Variants in AGFG1 observed in about 807,000 individuals in gnomAD.
AGFG1 encodes ArfGAP with FG repeats 1.
A neutral mutation model predicts 60.6 loss-of-function variants in AGFG1; 10 were observed. That is an observed-to-expected ratio of 0.16 (90% CI 0.10 to 0.28). The LOEUF is 0.28. Ranked by LOEUF, AGFG1 falls within the 10% of genes least tolerant of loss-of-function variation. The pLI, the probability that AGFG1 is intolerant of heterozygous loss-of-function variation, is 1.00. For synonymous variants in AGFG1, 247 were observed against 242.9 expected (o/e 1.02, Z -0.16); for missense variants, 537 against 676.5 (o/e 0.79, Z 2.29).
At chr2:227,512,073 G>A (rs1423673501) in intron 2 of AGFG1, among the ~76,000 whole-genome samples, 1 of 152,044 alleles carries the variant, frequency 6.6e-6, no homozygotes, top group Non-Finnish European at 1.5e-5. Flanking sequence ...GAAACCCTAG[G>A]ACAAAATAAA....
chr2:227,473,952 T>C (rs1347869038), intron 1 of AGFG1, among the ~76,000 whole-genome samples: 1 of 152,128 alleles, frequency 6.6e-6, no homozygotes, highest in African/African-American at 2.4e-5. Flanking sequence ...TACAGTCCAG[T>C]GGGGATGCAA....
chr2:227,523,317 T>C (rs914624201), intron 3 of AGFG1, among the ~76,000 whole-genome samples: 2 of 152,346 alleles, frequency 1.3e-5, no homozygotes, highest in South Asian at 4.1e-4. Context: ...ACAGATGTAA[T>C]AAGCCTTTAT....
At chr2:227,481,482 T>A (rs1690461038) in intron 1 of AGFG1, among the ~76,000 whole-genome samples, 1 of 152,184 alleles carries the variant, frequency 6.6e-6, no homozygotes, top group Non-Finnish European at 1.5e-5. Context: ...CAGTAAATCT[T>A]GATATGTCCT....
rs1693044747 is a variant in AGFG1 at position 227,558,528 on chromosome 2, A to C, written c.*4033A>C. ...CCTTTATTGATACAGTTTGTGGCCT[A>C]TACACTTTTAAAATTTATTTTTTAA... On this transcript the variant is annotated 3_prime_UTR_variant, in exon 13 of 13. Coordinates refer to ENST00000310078, the MANE Select transcript of AGFG1 (RefSeq NM_004504.5). 1 of 152,100 alleles carries C rather than the reference A, an allele frequency of 6.6e-6. No homozygotes were observed. The highest frequency in any genetic ancestry group is 1.5e-5 in the Non-Finnish European group (1 of 68,014). The allele number at this position is 152,100 out of a possible 1,614,324, so 9.4% of individuals were successfully genotyped here.
chr2:227,486,256 T>C (rs1207233880), intron 1 of AGFG1, among the ~76,000 whole-genome samples: 1 of 152,306 alleles, frequency 6.6e-6, no homozygotes, highest in African/African-American at 2.4e-5. Context: ...TGTCTTTCTT[T>C]TCTGTGGGGT....
At chr2:227,507,602 CAAAAAAAAAAA>C (rs1162277041) in intron 2 of AGFG1, among the ~76,000 whole-genome samples, 3 of 61,600 alleles carry the variant, frequency 4.9e-5, no homozygotes, top group Admixed American at 2.5e-4. Flanking sequence ...GACTCTGTCT[CAAAAAAAAAAA>C]AAAAAAAAAA....
At position 227,554,631 on chromosome 2, in the gene AGFG1, TAA is replaced by T; in HGVS notation, c.*138_*139del. On this transcript the variant is annotated 3_prime_UTR_variant, in exon 13 of 13. Transcript: ENST00000310078. ...TCTTTAAAAAGCCTGCATTGTGTAT[TAA>T]ACACCAGGTAATATGTGCAAAACCG... 1.4e-6 allele frequency: 1 copy of T among 702,364 alleles called. No individual in the cohort carries two copies. Among genetic ancestry groups the T allele is most frequent in the Non-Finnish European group, 2.3e-6 (1 of 431,896 alleles). The allele number at this position is 702,364 out of a possible 1,614,324, so 43.5% of individuals were successfully genotyped here. A position where few individuals can be genotyped will look rare whatever the true frequency, so the allele number is the denominator to read the frequency against.
At chr2:227,514,589 A>G (rs1042008127) in intron 2 of AGFG1, among the ~76,000 whole-genome samples, 21 of 152,204 alleles carry the variant, frequency 1.4e-4, no homozygotes, top group African/African-American at 5.1e-4. Context: ...AGGTTATATT[A>G]TTATTTGCAT....
chr2:227,524,671 G>A (rs1691932103), intron 4 of AGFG1, 91 bp from the exon 5 acceptor site: 1 of 1,332,200 alleles, frequency 7.5e-7, no homozygotes, highest in African/African-American at 1.4e-5. Flanking sequence ...CTCTTCGTAT[G>A]TATAAGTGTG....
intron 10 of AGFG1, among the ~76,000 whole-genome samples, chr2:227,545,948 C>T (rs1325492930): frequency 6.6e-6 from 1 of 152,226 alleles, no homozygotes; most frequent in Non-Finnish European, 1.5e-5. Flanking sequence ...GTCAGGGACC[C>T]ACTTGAGGAG....
intron 2 of AGFG1, chr2:227,508,363 A>G (rs990442404): frequency 4.0e-6 from 1 of 249,668 alleles, no homozygotes; most frequent in Non-Finnish European, 8.1e-6. Context: ...ATAATCCACA[A>G]ACAATTCTTA....
At chr2:227,524,155 GGT>G (rs1305480463) in intron 4 of AGFG1, among the ~76,000 whole-genome samples, 1,623 of 152,058 alleles carry the variant, frequency 0.011, 26 homozygotes, top group African/African-American at 0.037. Context: ...ACTTTGTAAA[GGT>G]GAGTTATACA....
At chr2:227,508,002 CTT>C (rs34862640) in intron 2 of AGFG1, among the ~76,000 whole-genome samples, 20 of 143,106 alleles carry the variant, frequency 1.4e-4, no homozygotes, top group Admixed American at 2.1e-4. Context: ...CTGAATGTTC[CTT>C]TTTTTTTTTT....
chr2:227,514,304 C>T (rs62190983), intron 2 of AGFG1, among the ~76,000 whole-genome samples: 6,819 of 152,208 alleles, frequency 0.045, 233 homozygotes, highest in Middle Eastern at 0.11. Flanking sequence ...TTCTGCCTCC[C>T]GGGCTCAAGC....
rs1037956224 is a variant in AGFG1 at position 227,524,025 on chromosome 2, C to T, written c.540+100C>T. 23 of 1,152,122 alleles carry T rather than the reference C, an allele frequency of 2.0e-5. No individual in the cohort carries two copies. The South Asian group carries it at 2.2e-4, about 11-fold the overall frequency. The allele number at this position is 1,152,122 out of a possible 1,614,324, so 71.4% of individuals were successfully genotyped here. ...AAGACAGCAGCATAATCTTGTATGC[C>T]AGTAGCATTATGTTCCAATGGTTTG... On this transcript the variant is annotated intron_variant, in intron 4 of 12. Transcript: ENST00000310078.
At chr2:227,498,694 GAACAT>G (rs1255655309) in intron 2 of AGFG1, among the ~76,000 whole-genome samples, 1 of 152,164 alleles carries the variant, frequency 6.6e-6, no homozygotes, top group Admixed American at 6.5e-5. Flanking sequence ...TCTTTGTGTT[GAACAT>G]ATCATAATCC....
At chr2:227,508,463 C>T (rs912618751) in intron 2 of AGFG1, 3 of 320,252 alleles carry the variant, frequency 9.4e-6, no homozygotes, top group Middle Eastern at 7.2e-4. Context: ...CTCCCTTGCT[C>T]AACTCCTTGT....
At chr2:227,543,691 TC>T (rs1172020241) in intron 10 of AGFG1, among the ~76,000 whole-genome samples, 5 of 152,184 alleles carry the variant, frequency 3.3e-5, no homozygotes, top group African/African-American at 1.2e-4. Context: ...CAGAGCAGAG[TC>T]CAAGTCCTGG....
rs956753277 is a variant in AGFG1, at chr2:227,498,408, A to G, written c.261+6768A>G. On this transcript the variant is annotated intron_variant, in intron 2 of 12. Coordinates refer to ENST00000310078, the MANE Select transcript of AGFG1 (RefSeq NM_004504.5). ...TAATTATTTGAGGGAATAGCTTCCT[A>G]GAGGGATATCTCAGGTTTAAAACCA... Among the ~76,000 whole-genome samples the G allele has an allele frequency of 3.9e-5, 6 of 152,344 alleles. No individual in the cohort carries two copies. In the South Asian group the frequency reaches 6.2e-4, roughly 16 times the overall value.
Sources: gnomAD v4.1 joint callset for allele counts (sites outside exome capture counted in the v4.1 genomes callset) on GRCh38, gnomAD v4.1.1 for gene constraint, MANE v1.5 for transcripts, NCBI Gene and HGNC (gene_info 2026-07-23, HGNC 2026-07-21) for gene names.